Variants in COL22A1 observed in about 807,000 individuals in gnomAD.
The protein encoded by COL22A1 is collagen alpha-1(XXII) chain.
In COL22A1, 221 loss-of-function variants were observed where a neutral mutation model predicts 248.9. That is an observed-to-expected ratio of 0.89 (90% confidence interval 0.80 to 0.99). COL22A1 has a LOEUF of 0.99. Ranked by LOEUF, COL22A1 falls within the 50% of genes least tolerant of loss-of-function variation. COL22A1 has a pLI of 0.00. For synonymous variants in COL22A1, 891 were observed against 793.4 expected (o/e 1.12, Z -2.07); for missense variants, 2,240 against 2,179.0 (o/e 1.03, Z -0.56).
intron 23 of COL22A1, among the ~76,000 whole-genome samples, chr8:138,735,497 T>C (rs944176666): frequency 6.6e-6 from 1 of 152,194 alleles, no homozygotes; most frequent in Non-Finnish European, 1.5e-5. Flanking sequence ...CGAAATCTCT[T>C]TTCCCAGAAA....
chr8:138,747,059 C>T (rs989138446), intron 22 of COL22A1, among the ~76,000 whole-genome samples: 1 of 152,204 alleles, frequency 6.6e-6, no homozygotes, highest in African/African-American at 2.4e-5. Context: ...CTTCAAGAAG[C>T]AGTGTTCATA....
chr8:138,763,606 G>A (rs1289110335), intron 16 of COL22A1, among the ~76,000 whole-genome samples: 1 of 152,074 alleles, frequency 6.6e-6, no homozygotes, highest in Non-Finnish European at 1.5e-5. Context: ...ACTCCGTGGG[G>A]CAGACACTCC....
intron 59 of COL22A1, among the ~76,000 whole-genome samples, chr8:138,603,698 T>C (rs1217808122): frequency 6.6e-6 from 1 of 152,146 alleles, no homozygotes; most frequent in East Asian, 1.9e-4. Flanking sequence ...GGGCAATGAA[T>C]GAATGATACA....
intron 28 of COL22A1, 35 bp from the exon 29 acceptor site, chr8:138,716,324 G>T: frequency 2.0e-6 from 3 of 1,511,738 alleles, no homozygotes; most frequent in Non-Finnish European, 2.7e-6. Context: ...GCGTCAACAG[G>T]AAGGCTCTCC....
intron 62 of COL22A1, among the ~76,000 whole-genome samples, chr8:138,594,688 C>A (rs1817377134): frequency 6.6e-6 from 1 of 152,174 alleles, no homozygotes; most frequent in African/African-American, 2.4e-5. Flanking sequence ...GCTAAGTGCT[C>A]AGGAGATGCT....
Position 138,751,500 on chromosome 8 carries a change from G to T in COL22A1, c.2043C>A (p.Gly681=). ...PGPPGARGPI[G]PEGRDGPPGL... ...CAGGAGGTCCATCCCTGCCTTCTGGGCCTATTGGACCCTTTAGGAGGGAGA... is the reference window on the plus strand; with the variant it reads ...CAGGAGGTCCATCCCTGCCTTCTGGTCCTATTGGACCCTTTAGGAGGGAGA... Residue 681 remains glycine (G), a synonymous_variant, in exon 22 of 65, where the codon GGC becomes GGA. Transcript: ENST00000303045. 6.2e-7 allele frequency: 1 copy of T among 1,611,884 alleles called. No homozygotes were observed. Among genetic ancestry groups the T allele is most frequent in the Non-Finnish European group, 8.5e-7 (1 of 1,178,650 alleles).
intron 45 of COL22A1, among the ~76,000 whole-genome samples, chr8:138,654,997 T>C (rs533848367): frequency 4.0e-4 from 61 of 152,302 alleles, no homozygotes; most frequent in African/African-American, 1.4e-3. Flanking sequence ...GCTGTTTGAC[T>C]CTGCCGCTGG....
chr8:138,661,981 G>A (rs754480062), intron 43 of COL22A1, 49 bp downstream of exon 43: 29 of 1,464,686 alleles, frequency 2.0e-5, no homozygotes, highest in Non-Finnish European at 2.6e-5. Context: ...GGGCTTTCAG[G>A]GGTCATGTAA....
At chr8:138,751,410 C>A in intron 22 of COL22A1, 48 bp downstream of exon 22, 1 of 1,332,936 alleles carries the variant, frequency 7.5e-7, no homozygotes, top group Non-Finnish European at 1.1e-6. Context: ...AAAATAGGGA[C>A]CAGTGTGGGT....
At chr8:138,683,130 G>A (rs561537470) in intron 39 of COL22A1, among the ~76,000 whole-genome samples, 58 of 152,294 alleles carry the variant, frequency 3.8e-4, no homozygotes, top group African/African-American at 1.4e-3. Context: ...GCACTCATCT[G>A]CTTTTCGTCT....
intron 47 of COL22A1, among the ~76,000 whole-genome samples, chr8:138,640,973 C>T (rs569482226): frequency 2.8e-4 from 42 of 152,192 alleles, no homozygotes; most frequent in Non-Finnish European, 5.9e-4. Context: ...TTCCTGCCTC[C>T]ATCAGACATT....
At chr8:138,667,111 G>T (rs1302083044) in intron 41 of COL22A1, among the ~76,000 whole-genome samples, 1 of 152,172 alleles carries the variant, frequency 6.6e-6, no homozygotes, top group African/African-American at 2.4e-5. Context: ...GCTGAAGAAG[G>T]GGATTATACA....
At chr8:138,883,878 T>A (rs1289947827) in intron 1 of COL22A1, among the ~76,000 whole-genome samples, 1 of 152,090 alleles carries the variant, frequency 6.6e-6, no homozygotes, top group Admixed American at 6.5e-5. Flanking sequence ...AGCATGAAAA[T>A]GGACTAATAC....
intron 43 of COL22A1, among the ~76,000 whole-genome samples, chr8:138,661,419 T>C (rs1201455387): frequency 2.0e-5 from 3 of 152,190 alleles, no homozygotes; most frequent in South Asian, 4.1e-4. Flanking sequence ...TAAGGACTCA[T>C]GGTTGTCATT....
intron 1 of COL22A1, among the ~76,000 whole-genome samples, chr8:138,905,925 CCAGA>C (rs1479413278): frequency 6.6e-6 from 1 of 152,136 alleles, no homozygotes; most frequent in Admixed American, 6.6e-5. Flanking sequence ...ATTTTTCTTG[CCAGA>C]CAGACTCCTA....
intron 13 of COL22A1, among the ~76,000 whole-genome samples, chr8:138,779,806 G>C (rs1356809706): frequency 6.6e-6 from 1 of 152,142 alleles, no homozygotes; most frequent in Non-Finnish European, 1.5e-5. Flanking sequence ...CTGTCTCCCA[G>C]ACTGGAGTGC....
intron 52 of COL22A1, among the ~76,000 whole-genome samples, chr8:138,623,332 C>CA (rs1359562346): frequency 6.7e-6 from 1 of 150,308 alleles, no homozygotes; most frequent in African/African-American, 2.5e-5. Context: ...AGGTGCCACT[C>CA]AGATTTTACT....
chr8:138,661,637 A>C (rs997501611), intron 43 of COL22A1, among the ~76,000 whole-genome samples: 4 of 152,186 alleles, frequency 2.6e-5, no homozygotes, highest in Non-Finnish European at 4.4e-5. Context: ...CATGACATAC[A>C]TCTGCGGAAT....
At chr8:138,687,033 G>C (rs937726588) in intron 37 of COL22A1, among the ~76,000 whole-genome samples, 3 of 152,182 alleles carry the variant, frequency 2.0e-5, no homozygotes, top group Admixed American at 6.5e-5. Flanking sequence ...CTCAGCTCAA[G>C]GCAACCTCCG....
Sources: gnomAD v4.1 joint callset for allele counts (sites outside exome capture counted in the v4.1 genomes callset) on GRCh38, gnomAD v4.1.1 for gene constraint, MANE v1.5 for transcripts, NCBI Gene and HGNC (gene_info 2026-07-23, HGNC 2026-07-21) for gene names.